GRID2: variants seen among roughly 807,000 people sequenced by gnomAD.
GRID2 encodes the protein glutamate ionotropic receptor delta type subunit 2.
Under a neutral mutation model 114.8 loss-of-function variants are expected in GRID2, and 33 were observed. The ratio of observed to expected loss-of-function variants is 0.29; its 90% confidence interval spans 0.22 to 0.38. The LOEUF is 0.38. Among genes scored for constraint, GRID2 ranks in the 10% least tolerant of loss-of-function variants. The pLI, the probability that GRID2 is intolerant of heterozygous loss-of-function variation, is 1.00. For missense variants in GRID2, 1,184 were observed against 1,257.7 expected (o/e 0.94, Z 0.89); for synonymous variants, 505 against 449.9 (o/e 1.12, Z -1.55).
intron 2 of GRID2, among the ~76,000 whole-genome samples, chr4:92,800,080 TCAAAC>T (rs1441508110): frequency 6.6e-6 from 1 of 151,990 alleles, no homozygotes; most frequent in Non-Finnish European, 1.5e-5. Flanking sequence ...TATTTGCTCT[TCAAAC>T]AAGACTCTGA....
intron 8 of GRID2, among the ~76,000 whole-genome samples, chr4:93,328,901 G>A (rs1484250479): frequency 6.6e-6 from 1 of 152,104 alleles, no homozygotes; most frequent in Non-Finnish European, 1.5e-5. Flanking sequence ...AGCACAGCAA[G>A]GATAAAACTC....
chr4:93,012,773 A>G (rs1040400631), intron 2 of GRID2, among the ~76,000 whole-genome samples: 2 of 151,692 alleles, frequency 1.3e-5, no homozygotes, highest in African/African-American at 2.4e-5. Flanking sequence ...TGAATTGCTT[A>G]CCTAAAGTTA....
chr4:92,585,166 T>C (rs11097341), intron 1 of GRID2, among the ~76,000 whole-genome samples: 40,826 of 151,564 alleles, frequency 0.27, 5,614 homozygotes, highest in Middle Eastern at 0.36. Context: ...AATGGCTGGA[T>C]GCATGAATGT....
chr4:92,835,997 G>A (rs1317144500), intron 2 of GRID2, among the ~76,000 whole-genome samples: 1 of 152,066 alleles, frequency 6.6e-6, no homozygotes, highest in Non-Finnish European at 1.5e-5. Flanking sequence ...AAAATATTGA[G>A]AACCAAAAGA....
chr4:92,618,898 A>G lies in GRID2; in HGVS notation c.244+28612A>G, dbSNP rs148397822. On this transcript the variant is annotated intron_variant, in intron 2 of 15. Coordinates refer to ENST00000282020, the MANE Select transcript of GRID2 (RefSeq NM_001510.4). ...GATATTCTATCCTGAAACTTTTTGA[A>G]TTTGTTTAGCAGTTCTGAGAGATTT... Among the ~76,000 whole-genome samples, 1,223 of 151,808 alleles carry G rather than the reference A, an allele frequency of 8.1e-3. 10 individuals are homozygous for G. Among genetic ancestry groups the G allele is most frequent in the Admixed American group, 0.014 (205 of 15,174 alleles).
chr4:93,617,925 C>G (rs1373426199), intron 13 of GRID2, among the ~76,000 whole-genome samples: 1 of 152,158 alleles, frequency 6.6e-6, no homozygotes, highest in African/African-American at 2.4e-5. Flanking sequence ...CCATCTGCTA[C>G]AAAAACAGTG....
At chr4:92,548,216 C>A (rs563691454) in intron 1 of GRID2, among the ~76,000 whole-genome samples, 2 of 151,970 alleles carry the variant, frequency 1.3e-5, no homozygotes, top group African/African-American at 4.8e-5. Context: ...GTGCACTACT[C>A]GCTGAGGACA....
At chr4:93,400,535 A>T (rs1391977575) in intron 9 of GRID2, among the ~76,000 whole-genome samples, 1 of 152,122 alleles carries the variant, frequency 6.6e-6, no homozygotes, top group Admixed American at 6.6e-5. Context: ...AATTGTTTTC[A>T]TGGTAATTCA....
Position 93,061,299 on chromosome 4 carries a change from A to G in GRID2, c.245-23696A>G, listed in dbSNP as rs561105126. 4.7e-5 allele frequency among the ~76,000 whole-genome samples: 7 copies of G among 150,226 alleles called. No individual in the cohort carries two copies. In the South Asian group the frequency reaches 1.3e-3, roughly 27 times the overall value. On this transcript the variant is annotated intron_variant, in intron 2 of 15. Transcript: ENST00000282020. ...GAGTGGGCTGGGATTTTTCTGATTC[A>G]GGCTATGAAGGGCCAGCTCAGATGG...
At chr4:92,548,401 A>ATTTTTTTTTTTTTTGTTTTTTTTT (rs1726386935) in intron 1 of GRID2, among the ~76,000 whole-genome samples, 1 of 60,808 alleles carries the variant, frequency 1.6e-5, no homozygotes, top group African/African-American at 8.5e-5. Flanking sequence ...AGACTGTGTA[A>ATTTTTTTTTTTTTTGTTTTTTTTT]TTTTTTTTTT....
chr4:92,818,106 T>C (rs937292194), intron 2 of GRID2, among the ~76,000 whole-genome samples: 2 of 152,180 alleles, frequency 1.3e-5, no homozygotes, highest in African/African-American at 4.8e-5. Context: ...TATCCACAAC[T>C]GTTTCTGTTA....
At chr4:92,771,278 A>G (rs370211231) in intron 2 of GRID2, among the ~76,000 whole-genome samples, 1 of 152,148 alleles carries the variant, frequency 6.6e-6, no homozygotes, top group African/African-American at 2.4e-5. Context: ...CACAGACACA[A>G]TTATTATACT....
intron 14 of GRID2, among the ~76,000 whole-genome samples, chr4:93,692,789 T>A (rs1726680513): frequency 6.6e-6 from 1 of 152,212 alleles, no homozygotes; most frequent in Non-Finnish European, 1.5e-5. Context: ...CTTCATTGAC[T>A]GAAGGAATGA....
rs749790235 is a variant in GRID2 at position 92,460,032 on chromosome 4, C to CTCTCTCTCTATA, written c.89-130098_89-130097insCTCTCTCTATAT. Among the ~76,000 whole-genome samples the CTCTCTCTCTATA allele has an allele frequency of 1.8e-3, 86 of 48,442 alleles. 6 individuals are homozygous for CTCTCTCTCTATA. Among genetic ancestry groups the CTCTCTCTCTATA allele is most frequent in the African/African-American group, 8.5e-3 (84 of 9,904 alleles). The allele number at this position is 48,442 out of a possible 152,430, so 31.8% of individuals were successfully genotyped here. On this transcript the variant is annotated intron_variant, in intron 1 of 15. Transcript: ENST00000282020. ...AGCCCATTCCTTAAAATAAATCTCA[C>CTCTCTCTCTATA]TATATATATATATATATATATACAC...
intron 13 of GRID2, among the ~76,000 whole-genome samples, chr4:93,585,226 C>T (rs965687963): frequency 1.3e-4 from 20 of 151,990 alleles, no homozygotes; most frequent in Admixed American, 3.3e-4. Flanking sequence ...CCTCCTGTTA[C>T]GATTCTTCAA....
At chr4:92,756,988 C>T (rs1255200305) in intron 2 of GRID2, among the ~76,000 whole-genome samples, 1 of 151,932 alleles carries the variant, frequency 6.6e-6, no homozygotes, top group African/African-American at 2.4e-5. Flanking sequence ...CGTTTTGTTT[C>T]CTGTGATTTT....
intron 2 of GRID2, among the ~76,000 whole-genome samples, chr4:92,676,170 C>CCCCCCCCT (rs1491203329): frequency 4.0e-5 from 2 of 49,820 alleles, no homozygotes; most frequent in African/African-American, 7.7e-5. Context: ...CCCCCCCCCC[C>CCCCCCCCT]TTTTTTTTTT....
intron 8 of GRID2, among the ~76,000 whole-genome samples, chr4:93,351,283 G>T (rs1760779926): frequency 6.6e-6 from 1 of 152,026 alleles, no homozygotes; most frequent in Non-Finnish European, 1.5e-5. Context: ...GAGTTTTATA[G>T]AAAATTTGGC....
chr4:92,403,299 G>A (rs182612238), intron 1 of GRID2, among the ~76,000 whole-genome samples: 2 of 152,084 alleles, frequency 1.3e-5, no homozygotes, highest in Non-Finnish European at 1.5e-5. Context: ...GAACAGTTTT[G>A]TTGCACAACT....
Sources: gnomAD v4.1 joint callset for allele counts (sites outside exome capture counted in the v4.1 genomes callset) on GRCh38, gnomAD v4.1.1 for gene constraint, MANE v1.5 for transcripts, NCBI Gene and HGNC (gene_info 2026-07-23, HGNC 2026-07-21) for gene names.